The following MYO9A variants were observed in gnomAD, a reference collection of about 807,000 sequenced individuals.
MYO9A encodes the protein myosin IXA.
Under a neutral mutation model 293.3 loss-of-function variants are expected in MYO9A, and 103 were observed. That is an observed-to-expected ratio of 0.35 (90% CI 0.30 to 0.41). MYO9A has a LOEUF of 0.41. Among genes scored for constraint, MYO9A ranks in the 10% least tolerant of loss-of-function variants. The probability of loss-of-function intolerance (pLI) is 1.00; values close to 1 mark genes in which losing one functional copy is unlikely to be tolerated. For synonymous variants in MYO9A, 1,001 were observed against 1,035.7 expected, an observed-to-expected ratio of 0.97 and a Z score of 0.64; for missense variants, 2,685 against 3,033.0, an observed-to-expected ratio of 0.89 and a Z score of 2.69.
intron 28 of MYO9A, among the ~76,000 whole-genome samples, chr15:71,881,044 C>T (rs2056858419): frequency 6.6e-6 from 1 of 151,998 alleles, no homozygotes; most frequent in Middle Eastern, 3.2e-3. Flanking sequence ...AGTCTAAAGT[C>T]CTGAATACTT....
chr15:71,972,726 C>G (rs2076044486), intron 12 of MYO9A, among the ~76,000 whole-genome samples: 1 of 152,078 alleles, frequency 6.6e-6, no homozygotes, highest in South Asian at 2.1e-4. Flanking sequence ...CTAAAAAGGC[C>G]CTGGCTCACT....
chr15:72,100,158 G>A lies in MYO9A; in HGVS notation c.-72+17522C>T, dbSNP rs181786004. On this transcript the variant is annotated intron_variant, in intron 1 of 41. Transcript: ENST00000356056. ...AACACTTTGGGGTGCCGAGGCGGGC[G>A]GATCACCTGACGTCCGGAGTTCAAG... is the stretch of plus-strand genomic sequence containing the variant. 7.0e-3 allele frequency among the ~76,000 whole-genome samples: 1,059 copies of A among 151,962 alleles called. 44 individuals are homozygous for A. Among genetic ancestry groups the A allele is most frequent in the Admixed American group, 0.062 (943 of 15,250 alleles).
At chr15:71,953,219 C>G (rs1489815021) in intron 14 of MYO9A, among the ~76,000 whole-genome samples, 1 of 152,172 alleles carries the variant, frequency 6.6e-6, no homozygotes, top group Non-Finnish European at 1.5e-5. Context: ...GATAAACATA[C>G]TCTGTTCTCA....
At chr15:71,980,294 T>G (rs1461650976) in intron 11 of MYO9A, among the ~76,000 whole-genome samples, 3 of 152,226 alleles carry the variant, frequency 2.0e-5, no homozygotes, top group Admixed American at 6.5e-5. Context: ...CCACAGCAGA[T>G]AATGCCAAAC....
In MYO9A at chr15:71,879,829, G is replaced by A; in HGVS notation, c.5631C>T (p.Asp1877=). The change falls in exon 30 of 42, where the codon GAC becomes GAT. Residue 1877 remains aspartate, a synonymous_variant. Transcript: ENST00000356056. ...CCTTCTTGCTGTCTTCATTATCTAG[G>A]TCATTCACCTGGGAACCACAAAACG... ...MDEFLLKKVN[D]LDNEDSKKDT... is the part of the protein sequence containing the mutation. 2 of 1,607,620 alleles carry A rather than the reference G, an allele frequency of 1.2e-6. No individual in the cohort carries two copies. The highest frequency in any genetic ancestry group is 1.7e-6 in the Non-Finnish European group (2 of 1,175,034).
At chr15:72,033,114 G>T (rs2077929431) in intron 2 of MYO9A, among the ~76,000 whole-genome samples, 1 of 152,092 alleles carries the variant, frequency 6.6e-6, no homozygotes, top group African/African-American at 2.4e-5. Flanking sequence ...GCCTCCCAAA[G>T]TGCTAGGATT....
intron 22 of MYO9A, among the ~76,000 whole-genome samples, chr15:71,901,728 G>A (rs1219653003): frequency 6.6e-6 from 1 of 151,936 alleles, no homozygotes; most frequent in African/African-American, 2.4e-5. Flanking sequence ...AGGTGAGCAA[G>A]AATATCAAAA....
chr15:72,060,797 G>A (rs1596486799), intron 1 of MYO9A, among the ~76,000 whole-genome samples: 1 of 152,168 alleles, frequency 6.6e-6, no homozygotes, highest in East Asian at 1.9e-4. Flanking sequence ...AAGTCTTGGT[G>A]TTGTGTGCAC....
intron 1 of MYO9A, among the ~76,000 whole-genome samples, chr15:72,080,324 T>C (rs1380614851): frequency 6.6e-6 from 1 of 151,354 alleles, no homozygotes; most frequent in Non-Finnish European, 1.5e-5. Flanking sequence ...TTTTTTTTTT[T>C]TGGTAAATGT....
At chr15:72,062,089 C>T (rs1010201930) in intron 1 of MYO9A, among the ~76,000 whole-genome samples, 1 of 152,186 alleles carries the variant, frequency 6.6e-6, no homozygotes, top group Admixed American at 6.5e-5. Context: ...ACCCAGACCA[C>T]CAAGGCAGTA....
chr15:71,960,114 C>A lies in MYO9A; in HGVS notation c.1987-18G>T. The A allele has an allele frequency of 1.2e-6, 2 of 1,610,450 alleles. No homozygotes were observed. The highest frequency in any genetic ancestry group is 1.7e-6 in the Non-Finnish European group (2 of 1,177,590). On this transcript the variant is annotated intron_variant, in intron 13 of 41. Coordinates refer to ENST00000356056, the MANE Select transcript of MYO9A (RefSeq NM_006901.4). ...CGGAAATCCTATATGAAAAAAGTAC[C>A]AGTGTTACTTATGGGAAAAAAAAAT...
chr15:71,859,494 T>C (rs2056023182), intron 34 of MYO9A, among the ~76,000 whole-genome samples: 1 of 152,222 alleles, frequency 6.6e-6, no homozygotes, highest in African/African-American at 2.4e-5. Context: ...ACGAAATTAA[T>C]TTAGTAACTC....
intron 19 of MYO9A, among the ~76,000 whole-genome samples, chr15:71,910,090 A>ATATATATACACG (rs1567260229): frequency 4.1e-5 from 6 of 146,592 alleles, no homozygotes; most frequent in African/African-American, 1.0e-4. Context: ...ATATACACGT[A>ATATATATACACG]TATATATATA....
At chr15:71,951,943 A>T in intron 14 of MYO9A, 47 bp from the exon 15 acceptor site, 1 of 1,545,896 alleles carries the variant, frequency 6.5e-7, no homozygotes, top group Non-Finnish European at 8.6e-7. Flanking sequence ...AGAAAAGAAA[A>T]AGACATTATA....
rs28485920 is a variant in MYO9A at position 71,886,633 on chromosome 15, G to A, written c.5255+1371C>T. On this transcript the variant is annotated intron_variant, in intron 27 of 41. Coordinates refer to ENST00000356056, the MANE Select transcript of MYO9A (RefSeq NM_006901.4). ...TTCTCAGCTTTACTTAGCTGGATTAGGATTTGGCTTTCTAGTATGTATTAA... is the reference window on the plus strand; with the variant it reads ...TTCTCAGCTTTACTTAGCTGGATTAAGATTTGGCTTTCTAGTATGTATTAA... Among the ~76,000 whole-genome samples, 855 of 152,096 alleles carry A rather than the reference G, an allele frequency of 5.6e-3. 12 individuals are homozygous for A. Among genetic ancestry groups the A allele is most frequent in the African/African-American group, 0.019 (809 of 41,504 alleles).
chr15:72,000,149 G>C (rs1230677004), intron 8 of MYO9A, among the ~76,000 whole-genome samples: 1 of 152,150 alleles, frequency 6.6e-6, no homozygotes, highest in African/African-American at 2.4e-5. Flanking sequence ...TCAAGTTAAA[G>C]TTTGCTTTCT....
intron 19 of MYO9A, among the ~76,000 whole-genome samples, chr15:71,912,400 C>T (rs541663278): frequency 2.5e-4 from 38 of 151,990 alleles, no homozygotes; most frequent in Non-Finnish European, 3.2e-4. Context: ...GGATTACAGG[C>T]GCCCATCGCC....
At position 71,898,107 on chromosome 15, in the gene MYO9A, A is replaced by C. The variant is rs2057383011; in HGVS notation, c.4396T>G (p.Tyr1466Asp). The change falls in exon 25 of 42, where the codon TAT (tyrosine) becomes GAT (aspartate). Residue 1466 changes from tyrosine (Y) to aspartate (D), a missense_variant. Physicochemically the swap from Tyr to Asp is radical, Grantham distance 160 (BLOSUM62 -3). Transcript: ENST00000356056. ...TLDINRETRR[Y>D]HCSGKDQIVP... Reference sequence around the variant, plus strand: ...ATCTGATCTTTTCCTGAGCAGTGATACCTTCTAGTTTCCCTGTTGATATCC... The same window carrying C: ...ATCTGATCTTTTCCTGAGCAGTGATCCCTTCTAGTTTCCCTGTTGATATCC... 2 of 1,614,104 alleles carry C rather than the reference A, an allele frequency of 1.2e-6. No individual in the cohort carries two copies. The highest frequency in any genetic ancestry group is 1.7e-6 in the Non-Finnish European group (2 of 1,180,030).
chr15:71,917,967 A>G (rs2058056503), intron 18 of MYO9A, among the ~76,000 whole-genome samples: 1 of 152,160 alleles, frequency 6.6e-6, no homozygotes, highest in African/African-American at 2.4e-5. Context: ...AAGGCTTATC[A>G]TCTGTATGTA....
Sources: allele counts gnomAD v4.1 joint callset (sites outside exome capture counted in the v4.1 genomes callset), GRCh38; gene constraint gnomAD v4.1.1; transcripts MANE v1.5; gene names NCBI Gene and HGNC (gene_info 2026-07-23, HGNC 2026-07-21).